CARMIL1: variants seen among roughly 807,000 people sequenced by gnomAD.
CARMIL1 encodes the protein capping protein regulator and myosin 1 linker 1, also known as F-actin-uncapping protein LRRC16A.
In CARMIL1, 90 loss-of-function variants were observed where a neutral mutation model predicts 177.1. That is an observed-to-expected ratio of 0.51 (90% CI 0.43 to 0.61). The LOEUF (loss-of-function observed/expected upper bound fraction) is 0.61. CARMIL1 is among the 20% of genes least tolerant of loss of function. The pLI is 0.00. For missense variants in CARMIL1, 1,380 were observed against 1,667.0 expected (o/e 0.83, Z 3.00); for synonymous variants, 577 against 606.2 (o/e 0.95, Z 0.71).
intron 2 of CARMIL1, among the ~76,000 whole-genome samples, chr6:25,398,020 G>C (rs746948638): frequency 1.1e-4 from 16 of 152,064 alleles, no homozygotes; most frequent in Non-Finnish European, 2.4e-4. Context: ...ATGCAAATTT[G>C]GAGGATTTAA....
chr6:25,459,270 T>TTTCTTTCTCTTTCTTTCTTTC (rs1799896544), intron 8 of CARMIL1, among the ~76,000 whole-genome samples: 1 of 21,210 alleles, frequency 4.7e-5, no homozygotes, highest in Admixed American at 5.8e-4. Context: ...TTCTTTCTTT[T>TTTCTTTCTCTTTCTTTCTTTC]TTTTTTTTTT....
intron 26 of CARMIL1, among the ~76,000 whole-genome samples, chr6:25,541,880 C>G (rs555187104): frequency 4.7e-4 from 72 of 152,298 alleles, no homozygotes; most frequent in African/African-American, 1.7e-3. Flanking sequence ...TCTCAAACTC[C>G]TGACGTCAGC....
chr6:25,345,937 C>T lies in CARMIL1; in HGVS notation c.138+61028C>T, dbSNP rs868537043. On this transcript the variant is annotated intron_variant, in intron 2 of 36. Transcript: ENST00000329474. The stretch of plus-strand genomic sequence containing the variant: ...CAGTCTGGTGTCATTCTTGATTTCT[C>T]TTTCTCACATACCCCATCAGCAAAT... Among the ~76,000 whole-genome samples the T allele has an allele frequency of 7.2e-5, 11 of 152,288 alleles. No individual in the cohort carries two copies. The East Asian group carries it at 9.6e-4, about 13-fold the overall frequency.
chr6:25,411,056 A>G (rs1562100831), intron 2 of CARMIL1, among the ~76,000 whole-genome samples: 1 of 152,180 alleles, frequency 6.6e-6, no homozygotes, highest in Non-Finnish European at 1.5e-5. Flanking sequence ...TTAGTAATTA[A>G]TTAGGTTAAT....
chr6:25,345,018 T>C (rs1787353876), intron 2 of CARMIL1, among the ~76,000 whole-genome samples: 1 of 152,230 alleles, frequency 6.6e-6, no homozygotes, highest in Admixed American at 6.5e-5. Context: ...ATGAGTCATC[T>C]GTATGCATTA....
intron 33 of CARMIL1, among the ~76,000 whole-genome samples, chr6:25,603,874 CA>C (rs1333840871): frequency 1.3e-5 from 2 of 152,104 alleles, no homozygotes; most frequent in Non-Finnish European, 2.9e-5. Context: ...TTACTTTCCC[CA>C]TCATCACCAT....
intron 8 of CARMIL1, among the ~76,000 whole-genome samples, chr6:25,457,623 A>G (rs945520554): frequency 6.6e-6 from 1 of 152,188 alleles, no homozygotes; most frequent in African/African-American, 2.4e-5. Context: ...TATCGAATGA[A>G]TATGTCAGGA....
intron 8 of CARMIL1, among the ~76,000 whole-genome samples, chr6:25,459,222 CTTT>C: frequency 1.4e-5 from 1 of 71,250 alleles, no homozygotes; most frequent in African/African-American, 5.7e-5. Flanking sequence ...TTCTTTCTTT[CTTT>C]CTTTCTTTCT....
chr6:25,464,384 T>C (rs981945329), intron 8 of CARMIL1, among the ~76,000 whole-genome samples: 1 of 152,204 alleles, frequency 6.6e-6, no homozygotes, highest in Non-Finnish European at 1.5e-5. Context: ...GTTTATTTTC[T>C]GAACATCTAT....
At position 25,581,278 on chromosome 6, in the gene CARMIL1, G is replaced by T. The variant is rs750731342; in HGVS notation, c.2845G>T (p.Val949Leu). Residue 949 changes from valine to leucine, a missense_variant, in exon 31 of 37, where the codon GTA becomes TTA. By Grantham distance (32) the Val-to-Leu change is conservative. Transcript: ENST00000329474. ...EFDLDKALEE[V>L]PIHIEDPPFP... Reference sequence around the variant, plus strand: ...TGATCTAGATAAAGCGCTGGAAGAGGTACCAATTCACATCGAAGACCCGCC... The same window carrying T: ...TGATCTAGATAAAGCGCTGGAAGAGTTACCAATTCACATCGAAGACCCGCC... The T allele has an allele frequency of 3.7e-6, 6 of 1,613,744 alleles. No individual in the cohort carries two copies. Among genetic ancestry groups the T allele is most frequent in the East Asian group, 2.2e-5 (1 of 44,888 alleles).
chr6:25,473,363 C>G (rs1801249792), intron 11 of CARMIL1, among the ~76,000 whole-genome samples: 1 of 152,100 alleles, frequency 6.6e-6, no homozygotes, highest in African/African-American at 2.4e-5. Flanking sequence ...TTGACTCCCT[C>G]AAAACTTAAC....
chr6:25,432,439 C>T (rs1391359844), intron 4 of CARMIL1, among the ~76,000 whole-genome samples: 1 of 152,198 alleles, frequency 6.6e-6, no homozygotes, highest in East Asian at 1.9e-4. Context: ...ATTGAGTTAG[C>T]GAAATGTGAC....
chr6:25,447,825 C>T (rs2150832125), intron 5 of CARMIL1, among the ~76,000 whole-genome samples: 1 of 152,190 alleles, frequency 6.6e-6, no homozygotes, highest in East Asian at 1.9e-4. Flanking sequence ...TTCTCTTCTT[C>T]TGCCACCCCC....
chr6:25,459,269 T>TCTCTCTCTCTCTCTC (rs56094712), intron 8 of CARMIL1, among the ~76,000 whole-genome samples: 1 of 118,170 alleles, frequency 8.5e-6, no homozygotes, highest in African/African-American at 3.2e-5. Flanking sequence ...TTTCTTTCTT[T>TCTCTCTCTCTCTCTC]TTTTTTTTTT....
chr6:25,301,731 G>C (rs1294401165), intron 2 of CARMIL1, among the ~76,000 whole-genome samples: 1 of 152,162 alleles, frequency 6.6e-6, no homozygotes, highest in East Asian at 1.9e-4. Flanking sequence ...AAAACTTTCT[G>C]TATGTGAGAT....
chr6:25,346,634 C>T (rs1406033862), intron 2 of CARMIL1, among the ~76,000 whole-genome samples: 1 of 152,158 alleles, frequency 6.6e-6, no homozygotes, highest in East Asian at 1.9e-4. Flanking sequence ...AGGCCAGGGA[C>T]CTTTGTTTTG....
At chr6:25,461,287 G>T (rs950500658) in intron 8 of CARMIL1, among the ~76,000 whole-genome samples, 1 of 152,030 alleles carries the variant, frequency 6.6e-6, no homozygotes, top group East Asian at 1.9e-4. Context: ...ACTACCTTGC[G>T]TGCATGAAGT....
chr6:25,443,059 T>C (rs1797921403), intron 5 of CARMIL1, among the ~76,000 whole-genome samples: 1 of 152,166 alleles, frequency 6.6e-6, no homozygotes, highest in South Asian at 2.1e-4. Context: ...CTATGTATCA[T>C]CAAAAGAGCA....
chr6:25,459,358 G>C (rs564929057), intron 8 of CARMIL1, among the ~76,000 whole-genome samples: 4 of 146,508 alleles, frequency 2.7e-5, no homozygotes, highest in East Asian at 4.1e-4. Context: ...TCAGTAGCTG[G>C]GACTACAGGC....
Sources: allele counts gnomAD v4.1 joint callset (sites outside exome capture counted in the v4.1 genomes callset), GRCh38; gene constraint gnomAD v4.1.1; transcripts MANE v1.5; gene names NCBI Gene and HGNC (gene_info 2026-07-23, HGNC 2026-07-21).